The following CIROZ variants were observed in gnomAD, a reference collection of about 807,000 sequenced individuals.
CIROZ encodes ciliated left-right organizer protein containing ZP-N domains, also known as ciliated left-right organizer ZP-N domains-containing protein.
the CIROZ span, chr1:10,947,744 G>A: frequency 4.4e-6 from 7 of 1,585,794 alleles, no homozygotes; most frequent in Non-Finnish European, 6.0e-6. Flanking sequence ...TGAGGGCCAA[G>A]GTGGGCTCTG....
the CIROZ span, among the ~76,000 whole-genome samples, chr1:10,950,564 G>A: frequency 1.3e-5 from 2 of 152,330 alleles, no homozygotes; most frequent in South Asian, 4.2e-4. Flanking sequence ...ATTCCAGGCC[G>A]ATCATGCTTT....
chr1:10,973,533 G>C, the CIROZ span, among the ~76,000 whole-genome samples: 1 of 152,296 alleles, frequency 6.6e-6, no homozygotes, highest in South Asian at 2.1e-4. Flanking sequence ...ACTCATCGCT[G>C]CTGAGAGAAG....
the CIROZ span, chr1:10,949,407 G>C: frequency 1.7e-6 from 1 of 601,744 alleles, no homozygotes; most frequent in African/African-American, 1.9e-5. Context: ...ACAGATGAGG[G>C]GGGCTGCCCT....
At chr1:10,981,402 G>A in the CIROZ span, among the ~76,000 whole-genome samples, 5 of 151,922 alleles carry the variant, frequency 3.3e-5, no homozygotes, top group African/African-American at 4.8e-5. Context: ...AGTGAACTAT[G>A]ATCTTGCCAC....
the CIROZ span, among the ~76,000 whole-genome samples, chr1:10,967,293 C>G: frequency 6.6e-6 from 1 of 152,096 alleles, no homozygotes; most frequent in Admixed American, 6.6e-5. Flanking sequence ...ACCAGACCCA[C>G]TGCTATTTCT....
the CIROZ span, among the ~76,000 whole-genome samples, chr1:10,947,172 G>T: frequency 1.3e-5 from 2 of 152,180 alleles, no homozygotes; most frequent in African/African-American, 2.4e-5. Context: ...CCTTGCCAAG[G>T]TCACACAGCC....
chr1:10,947,750 C>T, the CIROZ span: 1 of 1,589,088 alleles, frequency 6.3e-7, no homozygotes. Flanking sequence ...CCAAGGTGGG[C>T]TCTGTCAGCT....
the CIROZ span, among the ~76,000 whole-genome samples, chr1:10,975,235 G>C: frequency 7.8e-4 from 118 of 151,970 alleles, no homozygotes; most frequent in Non-Finnish European, 1.4e-3. Context: ...GCGAAACCCC[G>C]TCTCTACTAA....
the CIROZ span, chr1:10,948,810 G>A: frequency 1.9e-5 from 29 of 1,510,872 alleles, no homozygotes; most frequent in Middle Eastern, 5.4e-4. Flanking sequence ...TCTTCTCGCC[G>A]GTTTGGCTGT....
the CIROZ span, chr1:10,947,986 G>C: frequency 5.6e-6 from 9 of 1,613,508 alleles, no homozygotes; most frequent in Non-Finnish European, 7.6e-6. Context: ...GGTGTCAGAA[G>C]AGCTGCTGGG....
At chr1:10,958,401 T>A in the CIROZ span, among the ~76,000 whole-genome samples, 2 of 152,242 alleles carry the variant, frequency 1.3e-5, no homozygotes, top group Non-Finnish European at 2.9e-5. Flanking sequence ...AAGCTCCCTG[T>A]CACTGGAGAC....
chr1:10,964,116 C>T, the CIROZ span: 153 of 1,613,182 alleles, frequency 9.5e-5, no homozygotes, highest in East Asian at 2.5e-3. Context: ...CCAGACCCCC[C>T]GAACCCATTA....
chr1:10,947,997 C>T, the CIROZ span: 155 of 1,613,514 alleles, frequency 9.6e-5, no homozygotes, highest in Non-Finnish European at 1.2e-4. Flanking sequence ...AGCTGCTGGG[C>T]GAACAGGTTC....
the CIROZ span, among the ~76,000 whole-genome samples, chr1:10,978,274 C>G: frequency 6.7e-6 from 1 of 150,272 alleles, no homozygotes; most frequent in Admixed American, 6.6e-5. Flanking sequence ...GTCTCAAACT[C>G]CTAAGCTCAA....
At chr1:10,975,415 A>C in the CIROZ span, among the ~76,000 whole-genome samples, 3 of 138,308 alleles carry the variant, frequency 2.2e-5, no homozygotes, top group African/African-American at 9.9e-5. Flanking sequence ...CAGAAAAAAA[A>C]AAAAAAAAAA....
At chr1:10,970,064 T>C in the CIROZ span, 15 of 1,534,486 alleles carry the variant, frequency 9.8e-6, no homozygotes, top group African/African-American at 1.9e-4. Context: ...AGCACTCAAC[T>C]GTGTCTGTCC....
the CIROZ span, among the ~76,000 whole-genome samples, chr1:10,965,365 A>T: frequency 6.6e-6 from 1 of 151,698 alleles, no homozygotes. Flanking sequence ...AAAGACAAGA[A>T]AAAAAAAACT....
chr1:10,956,666 A>T, the CIROZ span, among the ~76,000 whole-genome samples: 2 of 151,674 alleles, frequency 1.3e-5, no homozygotes, highest in Non-Finnish European at 2.9e-5. Context: ...TTTAGTAGAG[A>T]CAGGGTTTCA....
At chr1:10,962,874 C>CT in the CIROZ span, among the ~76,000 whole-genome samples, 1 of 152,230 alleles carries the variant, frequency 6.6e-6, no homozygotes, top group South Asian at 2.1e-4. Flanking sequence ...AATCCCAGGG[C>CT]TTTGAGAGGC....
Sources: allele counts gnomAD v4.1 joint callset (sites outside exome capture counted in the v4.1 genomes callset), GRCh38; gene constraint gnomAD v4.1.1; transcripts MANE v1.5; gene names NCBI Gene and HGNC (gene_info 2026-07-23, HGNC 2026-07-21).